CASK: variants seen among roughly 807,000 people sequenced by gnomAD.
CASK encodes calcium/calmodulin dependent serine protein kinase, also known as peripheral plasma membrane protein CASK.
In CASK, 4 loss-of-function variants were observed where a neutral mutation model predicts 82.9. The observed-to-expected ratio is 0.05, with a 90% CI of 0.02 to 0.11. CASK has a LOEUF of 0.11. Ranked by LOEUF, CASK falls within the 10% of genes least tolerant of loss-of-function variation. The probability of loss-of-function intolerance (pLI) is 1.00; values close to 1 mark genes in which losing one functional copy is unlikely to be tolerated. For missense variants in CASK, 358 were observed against 720.9 expected (o/e 0.50, Z 5.76); for synonymous variants, 259 against 253.5 (o/e 1.02, Z -0.20).
intron 15 of CASK, among the ~76,000 whole-genome samples, chrX:41,574,803 G>C (rs1344253336): frequency 8.9e-6 from 1 of 111,942 alleles, no homozygotes; most frequent in East Asian, 2.8e-4. Context: ...TTTTTCACTA[G>C]AGAATAACAC....
chrX:41,828,956 A>G (rs2070728477), intron 2 of CASK, among the ~76,000 whole-genome samples: 1 of 112,008 alleles, frequency 8.9e-6, no homozygotes, highest in African/African-American at 3.2e-5. Flanking sequence ...CTATTTTTAC[A>G]TATCCCAGTA....
chrX:41,667,808 T>A (rs186385868), intron 6 of CASK, among the ~76,000 whole-genome samples: 1 of 111,516 alleles, frequency 9.0e-6, no homozygotes, highest in East Asian at 2.8e-4. Context: ...CTTTTCTTGA[T>A]GACTCAGAGT....
At chrX:41,829,794 G>A in intron 2 of CASK, among the ~76,000 whole-genome samples, 1 of 70,095 alleles carries the variant, frequency 1.4e-5, no homozygotes, top group Non-Finnish European at 2.7e-5. Context: ...GTTTATCAAA[G>A]TGGTTAAACT....
At chrX:41,645,219 A>G (rs1046671144) in intron 8 of CASK, among the ~76,000 whole-genome samples, 2 of 111,589 alleles carry the variant, frequency 1.8e-5, no homozygotes, top group Admixed American at 9.6e-5. Flanking sequence ...CAACCAAAAC[A>G]TGATTTAACA....
rs774781179 is a variant in CASK, at chrX:41,625,594, C to T, written c.1015+1010G>A. On this transcript the variant is annotated intron_variant, in intron 10 of 26. Coordinates refer to ENST00000378163, the MANE Select transcript of CASK (RefSeq NM_001367721.1). ...CCTCAAACTCCTGAGCTCAGGTGAT[C>T]CCCCTGAGCCGGGTGCCTCAGCCTC... Among the ~76,000 whole-genome samples, 7 of 110,547 alleles carry T rather than the reference C, an allele frequency of 6.3e-5. No homozygotes were observed. The South Asian group carries it at 2.3e-3, about 37-fold the overall frequency.
chrX:41,831,685 G>A (rs1027569832), intron 2 of CASK, among the ~76,000 whole-genome samples: 5 of 112,407 alleles, frequency 4.4e-5, no homozygotes, highest in East Asian at 2.8e-4. Context: ...TCAGCTGGGC[G>A]TGGTGGCTCA....
intron 8 of CASK, among the ~76,000 whole-genome samples, chrX:41,653,071 T>C (rs1296469793): frequency 8.9e-6 from 1 of 112,646 alleles, no homozygotes; most frequent in East Asian, 2.8e-4. Flanking sequence ...GATTACTTGC[T>C]TCTTAATGGG....
chrX:41,602,799 G>C (rs2065912071), intron 12 of CASK, among the ~76,000 whole-genome samples: 1 of 104,284 alleles, frequency 9.6e-6, no homozygotes, highest in Admixed American at 1.1e-4. Context: ...GAATATTCAC[G>C]ACATATGGTA....
chrX:41,748,928 G>C (rs557066662), intron 3 of CASK, among the ~76,000 whole-genome samples: 2 of 111,682 alleles, frequency 1.8e-5, no homozygotes, highest in South Asian at 3.7e-4. Flanking sequence ...ACACACATGG[G>C]GGTATTTTTA....
rs186393431 is a variant in CASK, at chrX:41,773,657, C to T, written c.278+13521G>A. ...CCATCATAGAGTGTACTTACACAAA[C>T]CTAGATGGGATATCCTACTACACAC... On this transcript the variant is annotated intron_variant, in intron 3 of 26. Coordinates refer to ENST00000378163, the MANE Select transcript of CASK (RefSeq NM_001367721.1). Among the ~76,000 whole-genome samples, 135 of 111,898 alleles carry T rather than the reference C, an allele frequency of 1.2e-3. 2 individuals are homozygous for T. The highest frequency in any genetic ancestry group is 4.3e-3 in the African/African-American group (132 of 30,854).
At chrX:41,783,686 G>A (rs2069527948) in intron 3 of CASK, among the ~76,000 whole-genome samples, 1 of 111,587 alleles carries the variant, frequency 9.0e-6, no homozygotes, top group African/African-American at 3.3e-5. Context: ...CTTCTAGTGA[G>A]AAACTACATA....
chrX:41,662,836 A>AT (rs753603017), intron 7 of CASK, among the ~76,000 whole-genome samples: 1,015 of 92,032 alleles, frequency 0.011, 8 homozygotes, highest in African/African-American at 0.031. Context: ...TTTGAAATCT[A>AT]TTTTTTTTTT....
At chrX:41,910,392 T>C (rs1014098507) in intron 1 of CASK, among the ~76,000 whole-genome samples, 6 of 111,859 alleles carry the variant, frequency 5.4e-5, no homozygotes, top group African/African-American at 2.0e-4. Flanking sequence ...AACCAACTGG[T>C]GATATCACAC....
chrX:41,790,129 T>TC, intron 2 of CASK: 1 of 740,902 alleles, frequency 1.3e-6, no homozygotes, highest in Non-Finnish European at 1.8e-6. Context: ...CTTTTTTTTT[T>TC]CTTTCAGAAG....
intron 5 of CASK, chrX:41,676,535 G>A: frequency 2.7e-6 from 3 of 1,125,628 alleles, no homozygotes; most frequent in Non-Finnish European, 1.2e-6. Flanking sequence ...GCGCCGGCAC[G>A]CGGCCTCGCC....
intron 2 of CASK, among the ~76,000 whole-genome samples, chrX:41,828,409 T>C (rs1284171457): frequency 2.7e-5 from 3 of 111,495 alleles, no homozygotes; most frequent in Non-Finnish European, 5.6e-5. Context: ...AAAAAATCAC[T>C]GAATGAACAA....
intron 5 of CASK, among the ~76,000 whole-genome samples, chrX:41,725,157 AAAT>A (rs767664860): frequency 9.8e-5 from 11 of 111,949 alleles, no homozygotes; most frequent in Non-Finnish European, 2.1e-4. Context: ...CAAAGAAATA[AAAT>A]TATAAAGACA....
intron 5 of CASK, among the ~76,000 whole-genome samples, chrX:41,725,329 G>T (rs1481196027): frequency 9.0e-6 from 1 of 111,560 alleles, no homozygotes; most frequent in African/African-American, 3.3e-5. Flanking sequence ...CCAAGATGCA[G>T]AAAATAAATC....
intron 2 of CASK, among the ~76,000 whole-genome samples, chrX:41,796,661 T>C (rs2069860998): frequency 8.9e-6 from 1 of 112,268 alleles, no homozygotes; most frequent in African/African-American, 3.2e-5. Context: ...TAGCTGTATG[T>C]GTGTGGCCTA....
Sources: gnomAD v4.1 joint callset for allele counts (sites outside exome capture counted in the v4.1 genomes callset) on GRCh38, gnomAD v4.1.1 for gene constraint, MANE v1.5 for transcripts, NCBI Gene and HGNC (gene_info 2026-07-23, HGNC 2026-07-21) for gene names.